ABTB3: variants seen among roughly 807,000 people sequenced by gnomAD.
The protein encoded by ABTB3 is ankyrin repeat- and BTB/POZ domain-containing protein 3.
chr12:107,585,808 A>G, the ABTB3 span, among the ~76,000 whole-genome samples: 1 of 152,318 alleles, frequency 6.6e-6, no homozygotes, highest in Admixed American at 6.5e-5. Context: ...TGGGGTGCTG[A>G]GGCCTGCCCG....
chr12:107,473,608 C>T, the ABTB3 span, among the ~76,000 whole-genome samples: 1 of 152,086 alleles, frequency 6.6e-6, no homozygotes, highest in African/African-American at 2.4e-5. Flanking sequence ...CCCACCTTGG[C>T]CTCCCAAATA....
At chr12:107,365,677 T>G in the ABTB3 span, among the ~76,000 whole-genome samples, 2 of 152,066 alleles carry the variant, frequency 1.3e-5, no homozygotes, top group African/African-American at 4.8e-5. Flanking sequence ...ATTGCCATGA[T>G]GGGATGGAAT....
At chr12:107,425,843 C>T in the ABTB3 span, among the ~76,000 whole-genome samples, 2 of 152,368 alleles carry the variant, frequency 1.3e-5, no homozygotes, top group South Asian at 2.1e-4. Flanking sequence ...CTCCCCTACC[C>T]TTGTCTTTCT....
the ABTB3 span, among the ~76,000 whole-genome samples, chr12:107,538,093 A>G: frequency 6.6e-6 from 1 of 151,910 alleles, no homozygotes; most frequent in African/African-American, 2.4e-5. Flanking sequence ...TGCCACTACC[A>G]ACAGATGCCA....
chr12:107,402,932 A>C, the ABTB3 span, among the ~76,000 whole-genome samples: 4 of 151,716 alleles, frequency 2.6e-5, no homozygotes, highest in Admixed American at 1.3e-4. Flanking sequence ...TTGTCCCCCC[A>C]CCCACCCCCA....
At chr12:107,543,874 G>A in the ABTB3 span, 4 of 1,468,638 alleles carry the variant, frequency 2.7e-6, no homozygotes, top group Non-Finnish European at 3.7e-6. Flanking sequence ...AGATCTTCAG[G>A]TACAGTTTCT....
chr12:107,578,383 CTTTTTTTTTTTTTTTTT>C, the ABTB3 span, among the ~76,000 whole-genome samples: 5 of 57,202 alleles, frequency 8.7e-5, no homozygotes, highest in East Asian at 6.9e-4. Flanking sequence ...CTTTCTTCTT[CTTTTTTTTTTTTTTTTT>C]TTTTTTTTTT....
At chr12:107,575,371 G>T in the ABTB3 span, among the ~76,000 whole-genome samples, 1 of 152,072 alleles carries the variant, frequency 6.6e-6, no homozygotes. Context: ...CATTTATTGA[G>T]CACTTTCTCG....
At chr12:107,549,066 G>A in the ABTB3 span, among the ~76,000 whole-genome samples, 2 of 152,186 alleles carry the variant, frequency 1.3e-5, no homozygotes, top group South Asian at 4.1e-4. Context: ...GGTAGCTCTT[G>A]TTACTTTTGC....
At chr12:107,404,124 C>CT in the ABTB3 span, among the ~76,000 whole-genome samples, 1 of 127,466 alleles carries the variant, frequency 7.8e-6, no homozygotes, top group Non-Finnish European at 1.6e-5. Context: ...GATCACGCCA[C>CT]TGCATGCTAG....
chr12:107,427,712 T>C, the ABTB3 span, among the ~76,000 whole-genome samples: 1 of 152,316 alleles, frequency 6.6e-6, no homozygotes, highest in African/African-American at 2.4e-5. Context: ...GTGCCATTAC[T>C]CAGCCTGTCA....
chr12:107,353,529 A>G, the ABTB3 span, among the ~76,000 whole-genome samples: 3 of 152,126 alleles, frequency 2.0e-5, no homozygotes, highest in Admixed American at 6.5e-5. Context: ...TTGCCCTCCT[A>G]TGAAATGGGG....
chr12:107,657,482 C>T, the ABTB3 span: 1 of 1,599,026 alleles, frequency 6.3e-7, no homozygotes, highest in Non-Finnish European at 8.6e-7. Context: ...GCGTAACCAT[C>T]TCCCATTTCC....
the ABTB3 span, among the ~76,000 whole-genome samples, chr12:107,586,820 C>A: frequency 6.6e-6 from 1 of 152,140 alleles, no homozygotes; most frequent in Admixed American, 6.5e-5. Flanking sequence ...GCAGAGAGAT[C>A]CACACGTAAT....
At chr12:107,324,025 C>T in the ABTB3 span, among the ~76,000 whole-genome samples, 9 of 152,288 alleles carry the variant, frequency 5.9e-5, no homozygotes, top group Admixed American at 1.3e-4. Flanking sequence ...TGCGACCCAA[C>T]CTCTCTGTCC....
the ABTB3 span, among the ~76,000 whole-genome samples, chr12:107,450,202 A>C: frequency 1.3e-5 from 2 of 152,284 alleles, no homozygotes; most frequent in Non-Finnish European, 1.5e-5. Flanking sequence ...TTTTTAAAAA[A>C]ATCATTTTCT....
the ABTB3 span, among the ~76,000 whole-genome samples, chr12:107,562,570 G>A: frequency 6.6e-6 from 1 of 152,236 alleles, no homozygotes; most frequent in Admixed American, 6.5e-5. Flanking sequence ...GGTGGGCAGG[G>A]TCAGATCCTA....
At chr12:107,571,844 A>G in the ABTB3 span, among the ~76,000 whole-genome samples, 2 of 152,188 alleles carry the variant, frequency 1.3e-5, no homozygotes, top group Admixed American at 6.5e-5. Flanking sequence ...TGGTCCCCAC[A>G]TGGTACGTGA....
At chr12:107,482,933 T>C in the ABTB3 span, among the ~76,000 whole-genome samples, 2 of 12,544 alleles carry the variant, frequency 1.6e-4, no homozygotes, top group Non-Finnish European at 3.5e-4. Flanking sequence ...TCTTTCTTTC[T>C]TTCTTTCTTT....
Sources: allele counts gnomAD v4.1 joint callset (sites outside exome capture counted in the v4.1 genomes callset), GRCh38; gene constraint gnomAD v4.1.1; transcripts MANE v1.5; gene names NCBI Gene and HGNC (gene_info 2026-07-23, HGNC 2026-07-21).